MYOM1: variants seen among roughly 807,000 people sequenced by gnomAD.
The protein encoded by MYOM1 is myomesin 1.
A neutral mutation model predicts 205.3 loss-of-function variants in MYOM1; 164 were observed. The observed-to-expected ratio is 0.80, with a 90% CI of 0.70 to 0.91. The LOEUF is 0.91. Ranked by LOEUF, MYOM1 falls within the 40% of genes least tolerant of loss-of-function variation. MYOM1 has a pLI of 0.00. For synonymous variants in MYOM1, 772 were observed against 789.4 expected (o/e 0.98, Z 0.37); for missense variants, 2,011 against 2,127.3 (o/e 0.95, Z 1.08).
At chr18:3,173,692 T>C (rs996649786) in intron 8 of MYOM1, among the ~76,000 whole-genome samples, 1 of 151,966 alleles carries the variant, frequency 6.6e-6, no homozygotes, top group Admixed American at 6.6e-5. Flanking sequence ...TAAAAACATT[T>C]GCTATTTTTA....
At chr18:3,084,478 T>G (rs550808497) in intron 31 of MYOM1, among the ~76,000 whole-genome samples, 1 of 152,342 alleles carries the variant, frequency 6.6e-6, no homozygotes, top group South Asian at 2.1e-4. Context: ...TAGCCCCACT[T>G]CCACCCAAAG....
At chr18:3,109,911 C>T (rs1264503468) in intron 22 of MYOM1, among the ~76,000 whole-genome samples, 1 of 152,194 alleles carries the variant, frequency 6.6e-6, no homozygotes, top group Non-Finnish European at 1.5e-5. Flanking sequence ...AGGGCCAAGA[C>T]AGCATTCCAA....
At chr18:3,216,363 G>A (rs938411105) in intron 1 of MYOM1, among the ~76,000 whole-genome samples, 20 of 152,232 alleles carry the variant, frequency 1.3e-4, no homozygotes, top group Admixed American at 2.0e-4. Flanking sequence ...TCTACTGCAG[G>A]AGAAAGACAA....
intron 2 of MYOM1, among the ~76,000 whole-genome samples, chr18:3,194,747 T>C (rs769311297): frequency 4.6e-5 from 7 of 152,172 alleles, no homozygotes; most frequent in Non-Finnish European, 8.8e-5. Flanking sequence ...CATAAACAAT[T>C]TGGCATAAAC....
rs868611059 is a variant in MYOM1, at chr18:3,111,791, C to T, written c.3418+507G>A. On this transcript the variant is annotated intron_variant, in intron 22 of 37. Transcript: ENST00000356443. ...TCATGGCAGAGTTAAGAAGTTGTGA[C>T]AGAGACCACAGGGCTGTTGAGTGAT... Among the ~76,000 whole-genome samples the T allele has an allele frequency of 1.1e-4, 16 of 152,272 alleles. No individual in the cohort carries two copies. The South Asian group carries it at 1.5e-3, about 14-fold the overall frequency.
intron 14 of MYOM1, among the ~76,000 whole-genome samples, chr18:3,139,531 C>T (rs371559161): frequency 1.4e-4 from 21 of 152,188 alleles, no homozygotes; most frequent in East Asian, 5.8e-4. Context: ...CTGGAACAGA[C>T]GCAGCAGGGA....
intron 17 of MYOM1, among the ~76,000 whole-genome samples, chr18:3,129,856 A>T (rs1249201829): frequency 6.6e-6 from 1 of 152,186 alleles, no homozygotes; most frequent in African/African-American, 2.4e-5. Context: ...TGAGAGATGT[A>T]AGCCCTATTA....
At chr18:3,120,758 A>C (rs2079678577) in intron 19 of MYOM1, among the ~76,000 whole-genome samples, 1 of 152,204 alleles carries the variant, frequency 6.6e-6, no homozygotes, top group Admixed American at 6.5e-5. Context: ...CAAAATGCTC[A>C]AGTTCTCATA....
chr18:3,170,905 A>T (rs1174403398), intron 8 of MYOM1, among the ~76,000 whole-genome samples: 2 of 152,192 alleles, frequency 1.3e-5, no homozygotes, highest in African/African-American at 4.8e-5. Flanking sequence ...CCTTTCTCAC[A>T]TCTTTTGTCC....
intron 17 of MYOM1, 70 bp downstream of exon 17, chr18:3,131,305 G>C (rs1598705385): frequency 1.3e-6 from 2 of 1,541,526 alleles, no homozygotes; most frequent in Non-Finnish European, 1.8e-6. Context: ...TTTCTGGAGA[G>C]GATGGTATCT....
intron 37 of MYOM1, 60 bp downstream of exon 37, chr18:3,071,774 G>A: frequency 1.3e-6 from 2 of 1,517,168 alleles, no homozygotes; most frequent in African/African-American, 1.4e-5. Context: ...AACAAAATCT[G>A]GGGTGCTGGA....
intron 29 of MYOM1, among the ~76,000 whole-genome samples, chr18:3,086,751 T>C (rs540914953): frequency 6.6e-6 from 1 of 152,206 alleles, no homozygotes; most frequent in Admixed American, 6.5e-5. Flanking sequence ...GGATCTTGAG[T>C]TTCATCTACA....
At chr18:3,109,315 C>A (rs2079493965) in intron 22 of MYOM1, among the ~76,000 whole-genome samples, 1 of 152,166 alleles carries the variant, frequency 6.6e-6, no homozygotes, top group South Asian at 2.1e-4. Flanking sequence ...CACAACTTAG[C>A]TGAGGTTTTC....
intron 1 of MYOM1, among the ~76,000 whole-genome samples, chr18:3,217,960 CA>C (rs1354381749): frequency 6.6e-6 from 1 of 152,028 alleles, no homozygotes; most frequent in Non-Finnish European, 1.5e-5. Context: ...GAAAACAAAA[CA>C]AAACAAACAA....
intron 22 of MYOM1, among the ~76,000 whole-genome samples, chr18:3,105,850 G>A (rs1441104380): frequency 6.6e-6 from 1 of 152,038 alleles, no homozygotes; most frequent in East Asian, 1.9e-4. Context: ...GCAAGACTCT[G>A]TCTCAAAAAA....
rs561188777 is a variant in MYOM1, at chr18:3,093,944, T to C, written c.3864+226A>G. Among the ~76,000 whole-genome samples the C allele has an allele frequency of 4.3e-4, 66 of 152,344 alleles. 1 individual carries two copies. Among genetic ancestry groups the C allele is most frequent in the African/African-American group, 1.5e-3 (64 of 41,580 alleles). ...GTTTGCCTGAGACCGTTTTGGTTTA[T>C]GACTATTTATGACTGTTGTCCTTTC... On this transcript the variant is annotated intron_variant, in intron 26 of 37. Coordinates refer to ENST00000356443, the MANE Select transcript of MYOM1 (RefSeq NM_003803.4).
chr18:3,206,962 C>G (rs868182288), intron 2 of MYOM1, among the ~76,000 whole-genome samples: 70 of 152,042 alleles, frequency 4.6e-4, no homozygotes, highest in African/African-American at 1.6e-3. Context: ...CTAATCTCTT[C>G]TCTTCATTTT....
At chr18:3,177,736 G>C (rs1051637551) in intron 5 of MYOM1, among the ~76,000 whole-genome samples, 4 of 152,142 alleles carry the variant, frequency 2.6e-5, no homozygotes, top group Admixed American at 6.5e-5. Context: ...ACCTCCCAAA[G>C]TGCTGGGATT....
intron 5 of MYOM1, among the ~76,000 whole-genome samples, chr18:3,176,744 T>C (rs1337344278): frequency 1.3e-5 from 2 of 151,882 alleles, no homozygotes; most frequent in African/African-American, 4.8e-5. Flanking sequence ...TAGCCAGGCA[T>C]GGTAGCACAC....
Sources: allele counts gnomAD v4.1 joint callset (sites outside exome capture counted in the v4.1 genomes callset), GRCh38; gene constraint gnomAD v4.1.1; transcripts MANE v1.5; gene names NCBI Gene and HGNC (gene_info 2026-07-23, HGNC 2026-07-21).